The following C19orf47 variants were observed in gnomAD, a reference collection of about 807,000 sequenced individuals.
C19orf47 encodes uncharacterized protein C19orf47.
C19orf47 carries 18 observed loss-of-function variants against 32.3 expected under a neutral mutation model. That is an observed-to-expected ratio of 0.56 (90% CI 0.39 to 0.83). The LOEUF (loss-of-function observed/expected upper bound fraction) is 0.83. Among genes scored for constraint, C19orf47 ranks in the 40% least tolerant of loss-of-function variants. C19orf47 has a pLI of 0.00. For synonymous variants in C19orf47, 202 were observed against 211.1 expected (o/e 0.96, Z 0.37); for missense variants, 484 against 531.6 (o/e 0.91, Z 0.88).
rs1215136049 is a variant in C19orf47 at position 40,319,726 on chromosome 19, C to CG, written c.*2155dup. ...CTAATTTTTGTATTTTTAGTAGAGA[C>CG]GGGGTTTCACCATCTTGGCCAGGCT... On this transcript the variant is annotated 3_prime_UTR_variant, in exon 9 of 9. Transcript: ENST00000683109. The CG allele has an allele frequency of 1.3e-5, 2 of 153,024 alleles. No homozygotes were observed. Among genetic ancestry groups the CG allele is most frequent in the African/African-American group, 4.8e-5 (2 of 41,326 alleles). 9.5% of individuals were successfully genotyped at this position (153,024 alleles called of 1,614,324 possible).
At chr19:40,305,797 A>T in the C19orf47 span, among the ~76,000 whole-genome samples, 1 of 152,216 alleles carries the variant, frequency 6.6e-6, no homozygotes, top group Non-Finnish European at 1.5e-5. Flanking sequence ...TTTGCATTAG[A>T]TAAAAGTATC....
chr19:40,293,457 C>G, the C19orf47 span, among the ~76,000 whole-genome samples: 1 of 146,254 alleles, frequency 6.8e-6, no homozygotes, highest in Non-Finnish European at 1.5e-5. Context: ...TTTTTTGCTA[C>G]TTTTTGTTTG....
the C19orf47 span, among the ~76,000 whole-genome samples, chr19:40,308,450 C>G: frequency 2.7e-5 from 4 of 150,422 alleles, no homozygotes; most frequent in Non-Finnish European, 5.9e-5. Context: ...CCACCACGCC[C>G]AGCCAGAAAG....
intron 8 of C19orf47, among the ~76,000 whole-genome samples, chr19:40,322,628 T>C (rs1421231976): frequency 6.6e-6 from 1 of 152,066 alleles, no homozygotes; most frequent in African/African-American, 2.4e-5. Context: ...TGGAAGTAGG[T>C]CTAAGAAAGA....
chr19:40,336,008 TG>T, intron 4 of C19orf47, 101 bp downstream of exon 4: 1 of 989,486 alleles, frequency 1.0e-6, no homozygotes. Context: ...CCCTGGAACC[TG>T]GGTCGGCCTG....
At chr19:40,317,734 T>G (rs1164644958), downstream of C19orf47, among the ~76,000 whole-genome samples, 1 of 151,876 alleles carries the variant, frequency 6.6e-6, no homozygotes, top group Non-Finnish European at 1.5e-5. Context: ...TTTTGTTTTT[T>G]TTTTTGAGAC....
At chr19:40,341,296 T>G (rs1167825305) in intron 2 of C19orf47, among the ~76,000 whole-genome samples, 1 of 151,988 alleles carries the variant, frequency 6.6e-6, no homozygotes, top group Non-Finnish European at 1.5e-5. Flanking sequence ...ATCGTGCCAT[T>G]GCACTCCAGC....
At chr19:40,315,839 C>A (rs924188985), downstream of C19orf47, among the ~76,000 whole-genome samples, 1 of 151,384 alleles carries the variant, frequency 6.6e-6, no homozygotes, top group Non-Finnish European at 1.5e-5. Flanking sequence ...GTGCCCGTAG[C>A]CCCAGGTACT....
At chr19:40,332,225 G>A (rs530466767) in intron 5 of C19orf47, among the ~76,000 whole-genome samples, 18 of 152,194 alleles carry the variant, frequency 1.2e-4, no homozygotes, top group Admixed American at 6.5e-4. Context: ...GGGCATGGTG[G>A]CACACACATG....
chr19:40,341,721 C>T (rs1205777680), intron 2 of C19orf47, 118 bp downstream of exon 2: 10 of 1,434,320 alleles, frequency 7.0e-6, no homozygotes, highest in African/African-American at 1.4e-5. Context: ...CCTCAGAGTA[C>T]AGCTGTTCCT....
At chr19:40,323,577 C>G (rs766695947) in intron 8 of C19orf47, among the ~76,000 whole-genome samples, 5 of 152,186 alleles carry the variant, frequency 3.3e-5, no homozygotes, top group Non-Finnish European at 7.4e-5. Context: ...GGGATAGGGG[C>G]TGGGGTCCAT....
At chr19:40,327,702 C>G (rs968245027) in intron 6 of C19orf47, among the ~76,000 whole-genome samples, 1 of 152,082 alleles carries the variant, frequency 6.6e-6, no homozygotes, top group Non-Finnish European at 1.5e-5. Flanking sequence ...GCCTGGGAGC[C>G]CAGTGACTGC....
Position 40,321,924 on chromosome 19 carries a change from G to C in C19orf47, c.1116C>G (p.Gly372=), listed in dbSNP as rs555330453. 2.5e-6 allele frequency: 4 copies of C among 1,612,784 alleles called. No individual in the cohort carries two copies. Among genetic ancestry groups the C allele is most frequent in the Non-Finnish European group, 3.4e-6 (4 of 1,179,774 alleles). ...EGLGAQMDHA[G]TVSVFKRLGR... is the part of the protein sequence containing the mutation. ...CCAGTCTTTTGAACACGCTCACAGTGCCCGCGTGGTCCATCTGGGCACCAA... is the reference window on the plus strand; with the variant it reads ...CCAGTCTTTTGAACACGCTCACAGTCCCCGCGTGGTCCATCTGGGCACCAA... Residue 372 remains glycine, a synonymous_variant, in exon 9 of 9, where the codon GGC becomes GGG. Transcript: ENST00000683109.
chr19:40,322,523 G>C, intron 8 of C19orf47, 147 bp from the exon 9 acceptor site: 1 of 1,095,580 alleles, frequency 9.1e-7, no homozygotes, highest in South Asian at 1.7e-5. Context: ...CGAGAGCCAT[G>C]ATGGGGGAGT....
At chr19:40,324,102 G>C (rs2077779309) in intron 7 of C19orf47, 26 bp from the exon 8 acceptor site, 3 of 1,613,774 alleles carry the variant, frequency 1.9e-6, no homozygotes, top group Non-Finnish European at 2.5e-6. Flanking sequence ...AGCCATCAGG[G>C]AGAGGCCCCG....
chr19:40,346,146 A>ACCTTGT (rs2078272778), intron 1 of C19orf47, among the ~76,000 whole-genome samples: 10 of 141,874 alleles, frequency 7.0e-5, no homozygotes, highest in Middle Eastern at 3.8e-3. Flanking sequence ...ACAGAGTGAG[A>ACCTTGT]CTCCATCTCA....
chr19:40,314,644 A>G (rs549893752), downstream of C19orf47, among the ~76,000 whole-genome samples: 51 of 152,202 alleles, frequency 3.4e-4, no homozygotes, highest in Non-Finnish European at 6.6e-4. Context: ...TCCTTTGCAG[A>G]AGAATTCCAA....
At chr19:40,341,996 G>A in intron 1 of C19orf47, 106 bp from the exon 2 acceptor site, 1 of 1,518,232 alleles carries the variant, frequency 6.6e-7, no homozygotes, top group Non-Finnish European at 8.8e-7. Context: ...TCCTGGGCTA[G>A]GGGCTCACCG....
intron 2 of C19orf47, among the ~76,000 whole-genome samples, chr19:40,341,593 G>C (rs1163392583): frequency 6.6e-6 from 1 of 152,144 alleles, no homozygotes; most frequent in African/African-American, 2.4e-5. Flanking sequence ...GAGGCCACGT[G>C]GGAGACCTGC....
Sources: gnomAD v4.1 joint callset for allele counts (sites outside exome capture counted in the v4.1 genomes callset) on GRCh38, gnomAD v4.1.1 for gene constraint, MANE v1.5 for transcripts, NCBI Gene and HGNC (gene_info 2026-07-23, HGNC 2026-07-21) for gene names.